UNC13C: variants seen among roughly 807,000 people sequenced by gnomAD.
UNC13C encodes the protein protein unc-13 homolog C.
A neutral mutation model predicts 245.4 loss-of-function variants in UNC13C; 174 were observed. The observed-to-expected ratio is 0.71, with a 90% CI of 0.63 to 0.80. The LOEUF (loss-of-function observed/expected upper bound fraction) is 0.80, where lower values mean the gene tolerates loss of function less well. Ranked by LOEUF, UNC13C falls within the 30% of genes least tolerant of loss-of-function variation. The pLI is 0.00. For missense variants in UNC13C, 2,829 were observed against 2,602.9 expected (o/e 1.09, Z -1.89); for synonymous variants, 992 against 895.1 (o/e 1.11, Z -1.93).
At chr15:54,620,531 C>T (rs1053184047) in intron 30 of UNC13C, among the ~76,000 whole-genome samples, 8 of 152,050 alleles carry the variant, frequency 5.3e-5, no homozygotes, top group Non-Finnish European at 7.4e-5. Context: ...ACTCGTGCTG[C>T]GAGAAAATTA....
intron 16 of UNC13C, among the ~76,000 whole-genome samples, chr15:54,334,700 A>G (rs535132028): frequency 1.3e-5 from 2 of 152,264 alleles, no homozygotes; most frequent in Admixed American, 1.3e-4. Flanking sequence ...TAACTAGGTG[A>G]TTAGGATAAA....
intron 17 of UNC13C, among the ~76,000 whole-genome samples, chr15:54,392,759 C>T (rs2039984245): frequency 6.6e-6 from 1 of 151,882 alleles, no homozygotes; most frequent in Non-Finnish European, 1.5e-5. Flanking sequence ...TTGTAATCAT[C>T]AGAGGCAGGA....
chr15:54,455,219 A>G (rs1221575391), intron 19 of UNC13C, among the ~76,000 whole-genome samples: 2 of 70,292 alleles, frequency 2.8e-5, no homozygotes, highest in African/African-American at 8.6e-5. Context: ...ATATATATAT[A>G]TATATATATA....
chr15:54,553,003 TA>T, intron 28 of UNC13C, among the ~76,000 whole-genome samples: 4 of 91,476 alleles, frequency 4.4e-5, no homozygotes, highest in African/African-American at 8.9e-5. Context: ...TTACAATATA[TA>T]ATATATATTG....
At chr15:54,041,070 C>G (rs1043272572) in intron 2 of UNC13C, among the ~76,000 whole-genome samples, 2 of 152,186 alleles carry the variant, frequency 1.3e-5, no homozygotes, top group South Asian at 2.1e-4. Context: ...GTTAGCTACA[C>G]CAGAGCAGCA....
At chr15:54,101,004 C>T (rs1900134410) in intron 2 of UNC13C, among the ~76,000 whole-genome samples, 1 of 152,068 alleles carries the variant, frequency 6.6e-6, no homozygotes, top group Non-Finnish European at 1.5e-5. Flanking sequence ...CAGATCAATA[C>T]CTGTTGTTAA....
intron 19 of UNC13C, among the ~76,000 whole-genome samples, chr15:54,442,029 T>A (rs892582897): frequency 2.6e-5 from 4 of 152,070 alleles, no homozygotes; most frequent in Admixed American, 2.6e-4. Flanking sequence ...ACTTTGTATC[T>A]TGTAATTTTA....
intron 19 of UNC13C, among the ~76,000 whole-genome samples, chr15:54,419,062 A>G (rs1596348570): frequency 6.6e-6 from 1 of 152,170 alleles, no homozygotes; most frequent in African/African-American, 2.4e-5. Context: ...CATGCTGACT[A>G]AAATATTTGG....
intron 19 of UNC13C, among the ~76,000 whole-genome samples, chr15:54,426,343 G>A (rs537953439): frequency 6.8e-6 from 1 of 147,504 alleles, no homozygotes; most frequent in Admixed American, 6.9e-5. Flanking sequence ...TGTTGACAGA[G>A]TTCAGTTTCT....
At chr15:54,024,850 G>GCC (rs1466571727) in intron 2 of UNC13C, among the ~76,000 whole-genome samples, 3 of 152,042 alleles carry the variant, frequency 2.0e-5, no homozygotes, top group Admixed American at 2.0e-4. Context: ...GGGAGGCGGC[G>GCC]CTTGCAGTGA....
Position 54,524,394 on chromosome 15 carries a change from A to C in UNC13C, c.5458-1155A>C, listed in dbSNP as rs971797054. ...CTCTGATAGAGGGCAGAAGCTAACC[A>C]ATCCTGAAAGTTAGGCGGACTTGAG... On this transcript the variant is annotated intron_variant, in intron 24 of 32. Coordinates refer to ENST00000260323, the MANE Select transcript of UNC13C (RefSeq NM_001080534.3). Among the ~76,000 whole-genome samples the C allele has an allele frequency of 8.5e-5, 13 of 152,356 alleles. No homozygotes were observed. The East Asian group carries it at 2.5e-3, about 29-fold the overall frequency.
At chr15:54,238,418 G>C (rs984159361) in intron 7 of UNC13C, among the ~76,000 whole-genome samples, 3 of 152,016 alleles carry the variant, frequency 2.0e-5, no homozygotes, top group African/African-American at 7.2e-5. Context: ...ATATGATTAC[G>C]AGTGAAGTTG....
At chr15:54,251,597 AT>A (rs1223561040) in intron 8 of UNC13C, among the ~76,000 whole-genome samples, 5 of 152,254 alleles carry the variant, frequency 3.3e-5, no homozygotes, top group Non-Finnish European at 7.3e-5. Context: ...ACATTGTAAA[AT>A]ACACATAATT....
intron 30 of UNC13C, among the ~76,000 whole-genome samples, chr15:54,594,835 C>T (rs1366495371): frequency 6.6e-6 from 1 of 152,202 alleles, no homozygotes; most frequent in Non-Finnish European, 1.5e-5. Flanking sequence ...CCAGTGGGTA[C>T]CCCGAGTCCA....
intron 1 of UNC13C, among the ~76,000 whole-genome samples, chr15:54,002,291 AAAAG>A (rs940513431): frequency 5.3e-5 from 8 of 152,202 alleles, no homozygotes; most frequent in Admixed American, 4.6e-4. Context: ...ATCTCAAAAA[AAAAG>A]AAAGAAAAGA....
At chr15:53,849,653 A>G in the UNC13C span, among the ~76,000 whole-genome samples, 68,344 of 151,850 alleles carry the variant, frequency 0.45, 15,827 homozygotes, top group Middle Eastern at 0.59. Context: ...GCATGTTTTC[A>G]TTTTTAATGA....
intron 4 of UNC13C, among the ~76,000 whole-genome samples, chr15:54,154,978 G>T (rs1327551864): frequency 6.6e-6 from 1 of 152,184 alleles, no homozygotes; most frequent in Non-Finnish European, 1.5e-5. Flanking sequence ...GTGCTCAGTT[G>T]TTAGAAATAT....
At chr15:53,930,794 C>T in the UNC13C span, among the ~76,000 whole-genome samples, 1 of 152,146 alleles carries the variant, frequency 6.6e-6, no homozygotes. Context: ...GGGAAACAGC[C>T]ATAAACAGCC....
the UNC13C span, chr15:53,912,567 A>G: frequency 6.6e-6 from 1 of 151,458 alleles, no homozygotes; most frequent in African/African-American, 2.4e-5. Context: ...TACACTCTGT[A>G]TGTTTCTCCT....
Sources: allele counts gnomAD v4.1 joint callset (sites outside exome capture counted in the v4.1 genomes callset), GRCh38; gene constraint gnomAD v4.1.1; transcripts MANE v1.5; gene names NCBI Gene and HGNC (gene_info 2026-07-23, HGNC 2026-07-21).